Variants in CCNL2 observed in about 807,000 individuals in gnomAD.
The protein encoded by CCNL2 is cyclin L2, also known as cyclin-L2.
A neutral mutation model predicts 59.1 loss-of-function variants in CCNL2; 28 were observed. The ratio of observed to expected loss-of-function variants is 0.47; its 90% CI spans 0.35 to 0.65. The LOEUF is 0.65. Ranked by LOEUF, CCNL2 falls within the 30% of genes least tolerant of loss-of-function variation. The pLI, the probability that CCNL2 is intolerant of heterozygous loss-of-function variation, is 0.00. For missense variants in CCNL2, 714 were observed against 717.4 expected (o/e 1.00, Z 0.05); for synonymous variants, 342 against 288.6 (o/e 1.19, Z -1.88).
At chr1:1,395,226 G>T in intron 4 of CCNL2, 168 bp downstream of exon 4, 1 of 604,434 alleles carries the variant, frequency 1.7e-6, no homozygotes, top group Middle Eastern at 4.5e-4. Context: ...GACACTAGAA[G>T]ACGAATACGT....
At chr1:1,393,493 G>A (rs754371222) in intron 4 of CCNL2, 33 bp from the exon 5 acceptor site, 2 of 1,583,938 alleles carry the variant, frequency 1.3e-6, no homozygotes, top group Admixed American at 1.7e-5. Flanking sequence ...TTATTACCAA[G>A]AACCTTAAGA....
chr1:1,393,157 T>G (rs1644839490), intron 5 of CCNL2: 3 of 589,268 alleles, frequency 5.1e-6, no homozygotes, highest in Non-Finnish European at 9.0e-6. Flanking sequence ...GACTGCTCTC[T>G]TCAGGGTGGG....
chr1:1,390,115 A>C lies in CCNL2; in HGVS notation c.1006+115T>G, dbSNP rs1399879603. The C allele has an allele frequency of 2.0e-5, 6 of 297,572 alleles. No homozygotes were observed. The East Asian group carries it at 6.3e-4, about 31-fold the overall frequency. The allele number at this position is 297,572 out of a possible 1,614,324, so 18.4% of individuals were successfully genotyped here. ...CCTGGGTGACAGAGACCCTGTCTCA[A>C]AAAAAAAAAAAAAAAAAATGTCTGG... On this transcript the variant is annotated intron_variant, in intron 8 of 10. Coordinates refer to ENST00000400809, the MANE Select transcript of CCNL2 (RefSeq NM_030937.6).
In CCNL2 at chr1:1,387,185, A is replaced by T; in HGVS notation, c.*46T>A. On this transcript the variant is annotated 3_prime_UTR_variant, in exon 11 of 11. Transcript: ENST00000400809. Reference sequence around the variant, plus strand: ...GGGGGTCAAAGGGCAGCCATCAGGTACTCCCCAGGGAAGGGCTTGCGGCCA... The same window carrying T: ...GGGGGTCAAAGGGCAGCCATCAGGTTCTCCCCAGGGAAGGGCTTGCGGCCA... The T allele has an allele frequency of 6.7e-7, 1 of 1,498,520 alleles. No homozygotes were observed. Among genetic ancestry groups the T allele is most frequent in the African/African-American group, 1.4e-5 (1 of 72,890 alleles). The allele number at this position is 1,498,520 out of a possible 1,614,324, so 92.8% of individuals were successfully genotyped here. A position where few individuals can be genotyped will look rare whatever the true frequency, so the allele number is the denominator to read the frequency against.
intron 8 of CCNL2, chr1:1,389,499 A>T (rs554409014): frequency 6.6e-6 from 1 of 152,362 alleles, no homozygotes; most frequent in South Asian, 2.1e-4. Context: ...GATAAACAAA[A>T]GCATTTCAGA....
intron 6 of CCNL2, 48 bp downstream of exon 6, chr1:1,390,718 A>AG (rs747862713): frequency 2.6e-6 from 4 of 1,563,802 alleles, no homozygotes; most frequent in Non-Finnish European, 3.5e-6. Flanking sequence ...TGGAGGCTGG[A>AG]GAAAAAAAAA....
At chr1:1,390,996 G>A in intron 5 of CCNL2, 131 bp from the exon 6 acceptor site, 1 of 894,282 alleles carries the variant, frequency 1.1e-6, no homozygotes, top group Non-Finnish European at 1.7e-6. Context: ...CTCAGAGCTA[G>A]ACAGTCCTGT....
intron 8 of CCNL2, chr1:1,388,299 G>A (rs1353400510): frequency 5.8e-6 from 3 of 521,162 alleles, no homozygotes; most frequent in Non-Finnish European, 1.0e-5. Context: ...GAGGAGGGCG[G>A]ATCACAAAGT....
rs1195111344 is a variant in CCNL2 at position 1,399,317 on chromosome 1, C to T, written c.-11G>A. 4 of 1,440,660 alleles carry T rather than the reference C, an allele frequency of 2.8e-6. No individual in the cohort carries two copies. Among genetic ancestry groups the T allele is most frequent in the Middle Eastern group, 2.2e-4 (1 of 4,482 alleles). 89.2% of individuals were successfully genotyped at this position (1,440,660 alleles called of 1,614,324 possible). On this transcript the variant is annotated 5_prime_UTR_variant, in exon 1 of 11. Coordinates refer to ENST00000400809, the MANE Select transcript of CCNL2 (RefSeq NM_030937.6). ...CGCCGCCGCCGCCATTTTGTGCCGC[C>T]GACTCCCCTTCGGCTTCTTCCCTCA...
At chr1:1,389,693 C>T (rs562861396) in intron 8 of CCNL2, among the ~76,000 whole-genome samples, 2 of 152,228 alleles carry the variant, frequency 1.3e-5, no homozygotes, top group African/African-American at 4.8e-5. Flanking sequence ...GGCACGGTGG[C>T]TCACGCCTGT....
chr1:1,390,793 G>T lies in CCNL2; in HGVS notation c.732C>A (p.Cys244Ter). 1.2e-6 allele frequency: 2 copies of T among 1,613,984 alleles called. No homozygotes were observed. The highest frequency in any genetic ancestry group is 1.7e-6 in the Non-Finnish European group (2 of 1,179,996). The change falls in exon 6 of 11, where the codon TGC becomes TGA. Residue 244 changes from cysteine to a stop codon, truncating the protein, a stop_gained. Coordinates refer to ENST00000400809, the MANE Select transcript of CCNL2 (RefSeq NM_030937.6). LOFTEE classifies it high-confidence loss of function. ...RFQPESIACA[C>*]IYLAARTLEI... ...CCAGCGTCCGGGCAGCAAGATAAAT[G>T]CAGGCACAGGCGATGCTCTCTGGCT...
intron 8 of CCNL2, 70 bp from the exon 9 acceptor site, chr1:1,388,135 CGA>C: frequency 8.1e-7 from 1 of 1,241,100 alleles, no homozygotes; most frequent in Non-Finnish European, 1.2e-6. Flanking sequence ...GTTCGTAGAG[CGA>C]GATAAGGCCC....
intron 1 of CCNL2, 64 bp from the exon 2 acceptor site, chr1:1,398,735 C>A: frequency 6.8e-7 from 1 of 1,460,486 alleles, no homozygotes; most frequent in South Asian, 1.1e-5. Flanking sequence ...GGCCGAAAGT[C>A]ATCGAGTAAC....
rs955471142 is a variant in CCNL2 at position 1,387,371 on chromosome 1, C to T, written c.1423G>A (p.Glu475Lys). The T allele has an allele frequency of 1.9e-6, 3 of 1,614,104 alleles. No individual in the cohort carries two copies. Among genetic ancestry groups the T allele is most frequent in the Non-Finnish European group, 2.5e-6 (3 of 1,180,052 alleles). The change falls in exon 11 of 11, where the codon GAG becomes AAG. Residue 475 changes from glutamate to lysine, a missense_variant. By Grantham distance (56) the Glu-to-Lys change is moderately conservative (BLOSUM62 1). This residue lies in a region of CCNL2 where 403 missense variants were observed against 377.7 expected (regional missense o/e 1.07). Transcript: ENST00000400809. The stretch of plus-strand genomic sequence containing the variant: ...TATTTTCCCGGATTATCCGCCCGCT[C>T]CCGTGACCTGCTTCGAGAACGGGAA... ...SSSRSRSRSR[E>K]RADNPGKYKK...
rs1250697753 is a variant in CCNL2, at chr1:1,399,259, G to T, written c.48C>A (p.Pro16=). 3 of 1,577,948 alleles carry T rather than the reference G, an allele frequency of 1.9e-6. No individual in the cohort carries two copies. The change falls in exon 1 of 11, where the codon CCC becomes CCA. Residue 16 remains proline, a synonymous_variant. Coordinates refer to ENST00000400809, the MANE Select transcript of CCNL2 (RefSeq NM_030937.6). ...ATCCCGGGGCGCCGGCCGCTGCCGC[G>T]GGAGCTGCCGACCCTGCAGCACCAG... is the stretch of plus-strand genomic sequence containing the variant. The part of the protein sequence containing the change: ...AAAGAAGSAA[P]AAAAGAPGSG...
Position 1,398,579 on chromosome 1 carries a change from T to C in CCNL2, c.363+18A>G, listed in dbSNP as rs374782867. On this transcript the variant is annotated intron_variant, in intron 2 of 10. Transcript: ENST00000400809. Reference sequence around the variant, plus strand: ...TCAACATACTTCGCTGGGAATGAAGTGCAGGAGGAAGCCTTACCTCCATGG... The same window carrying C: ...TCAACATACTTCGCTGGGAATGAAGCGCAGGAGGAAGCCTTACCTCCATGG... The C allele has an allele frequency of 2.5e-6, 4 of 1,611,048 alleles. No individual in the cohort carries two copies. Among genetic ancestry groups the C allele is most frequent in the Non-Finnish European group, 3.4e-6 (4 of 1,177,544 alleles).
rs1472988554 is a variant in CCNL2, at chr1:1,398,310, G to A, written c.396C>T (p.Ser132=). 3 of 1,614,168 alleles carry A rather than the reference G, an allele frequency of 1.9e-6. No individual in the cohort carries two copies. Among genetic ancestry groups the A allele is most frequent in the East Asian group, 4.5e-5 (2 of 44,888 alleles). The change falls in exon 3 of 11, where the codon TCC becomes TCT. Residue 132 remains serine, a synonymous_variant. Transcript: ENST00000400809. The stretch of plus-strand genomic sequence containing the variant: ...TGCGTCTTGGGGCCTCTTCTATCTT[G>A]GAAGCCAGGTGGACACAGGCCATTG... ...HVSMACVHLA[S]KIEEAPRRIR...
At chr1:1,391,266 C>G in intron 5 of CCNL2, 2 of 1,106,544 alleles carry the variant, frequency 1.8e-6, no homozygotes, top group Non-Finnish European at 2.2e-6. Flanking sequence ...TCTAAATGCT[C>G]AAAATCCATA....
Position 1,387,775 on chromosome 1 carries a change from ACCT to A in CCNL2, c.1210_1211+1del. On this transcript the variant is annotated splice_donor_variant and coding_sequence_variant, in exon 10 of 11. Coordinates refer to ENST00000400809, the MANE Select transcript of CCNL2 (RefSeq NM_030937.6). LOFTEE classifies it high-confidence loss of function. ...CTCCTGGGTGCGCCCTGAGGCACAC[ACCT>A]CCTCTTAGGAGACGCTGATCGGGAT... 3 of 1,609,170 alleles carry A rather than the reference ACCT, an allele frequency of 1.9e-6. No homozygotes were observed. Among genetic ancestry groups the A allele is most frequent in the Non-Finnish European group, 2.5e-6 (3 of 1,177,990 alleles).
Sources: gnomAD v4.1 joint callset for allele counts (sites outside exome capture counted in the v4.1 genomes callset) on GRCh38, gnomAD v4.1.1 for gene constraint, gnomAD v4.1.1 regional missense constraint, MANE v1.5 for transcripts, NCBI Gene and HGNC (gene_info 2026-07-23, HGNC 2026-07-21) for gene names.